Variants in FOXP1 observed in about 807,000 individuals in gnomAD.
FOXP1 encodes the protein forkhead box protein P1.
Under a neutral mutation model 98.2 loss-of-function variants are expected in FOXP1, and 15 were observed. The observed-to-expected ratio is 0.15, with a 90% CI of 0.10 to 0.24. The LOEUF (loss-of-function observed/expected upper bound fraction) is 0.24. Among genes scored for constraint, FOXP1 ranks in the 10% least tolerant of loss-of-function variants. The pLI is 1.00. For synonymous variants in FOXP1, 371 were observed against 314.5 expected (o/e 1.18, Z -1.90); for missense variants, 633 against 848.5 (o/e 0.75, Z 3.15).
At chr3:71,491,658 G>C (rs1487957429) in intron 3 of FOXP1, among the ~76,000 whole-genome samples, 1 of 152,118 alleles carries the variant, frequency 6.6e-6, no homozygotes, top group Non-Finnish European at 1.5e-5. Context: ...CAAATGCAAA[G>C]TACAAGTTAT....
intron 2 of FOXP1, among the ~76,000 whole-genome samples, chr3:71,533,597 G>A (rs1051027917): frequency 1.2e-4 from 18 of 152,090 alleles, no homozygotes; most frequent in African/African-American, 3.6e-4. Context: ...GAAAATTGGC[G>A]TCCCCAACCC....
intron 3 of FOXP1, among the ~76,000 whole-genome samples, chr3:71,446,468 C>A (rs986679992): frequency 6.6e-6 from 1 of 151,900 alleles, no homozygotes; most frequent in African/African-American, 2.4e-5. Context: ...GGGAGGGAGC[C>A]AGGCGGCTTC....
rs922299250 is a variant in FOXP1, at chr3:70,955,952, C to G, written c.*3295G>C. ...GCAGAAAAAAAAAGTTAGGGAGTTT[C>G]TCCCTCCCACATGTCAGGAAATGTC... On this transcript the variant is annotated 3_prime_UTR_variant, in exon 21 of 21. Coordinates refer to ENST00000649528, the MANE Select transcript of FOXP1 (RefSeq NM_001349338.3). 4.3e-6 allele frequency: 1 copy of G among 233,068 alleles called. No individual in the cohort carries two copies. Among genetic ancestry groups the G allele is most frequent in the African/African-American group, 2.2e-5 (1 of 45,316 alleles). 14.4% of individuals were successfully genotyped at this position (233,068 alleles called of 1,614,324 possible). A position where few individuals can be genotyped will look rare whatever the true frequency, so the allele number is the denominator to read the frequency against.
intron 3 of FOXP1, among the ~76,000 whole-genome samples, chr3:71,409,128 T>C (rs545552793): frequency 6.6e-6 from 1 of 152,192 alleles, no homozygotes; most frequent in South Asian, 2.1e-4. Flanking sequence ...TCAGGAATGG[T>C]CTTCCCTCAA....
At chr3:71,295,383 A>G (rs993237905) in intron 5 of FOXP1, among the ~76,000 whole-genome samples, 4 of 152,184 alleles carry the variant, frequency 2.6e-5, no homozygotes, top group African/African-American at 9.7e-5. Flanking sequence ...TTTTAGCTTT[A>G]TTTTTCACCA....
intron 7 of FOXP1, among the ~76,000 whole-genome samples, chr3:71,056,996 G>A (rs1238577748): frequency 1.3e-5 from 2 of 152,080 alleles, no homozygotes; most frequent in Non-Finnish European, 2.9e-5. Context: ...ACACTTTATT[G>A]CCCATTACTA....
chr3:71,037,899 T>C (rs891158570), intron 11 of FOXP1, among the ~76,000 whole-genome samples: 7 of 152,258 alleles, frequency 4.6e-5, no homozygotes, highest in Non-Finnish European at 8.8e-5. Context: ...AGTGGGTTTC[T>C]ATTGGCAATC....
intron 6 of FOXP1, among the ~76,000 whole-genome samples, chr3:71,174,382 C>T (rs79809305): frequency 0.014 from 2,156 of 152,206 alleles, 56 homozygotes; most frequent in African/African-American, 0.048. Context: ...TAAATAGCCA[C>T]TGCACTCCAG....
chr3:71,019,698 G>A lies in FOXP1; in HGVS notation c.870-4045C>T, dbSNP rs150983069. Among the ~76,000 whole-genome samples the A allele has an allele frequency of 2.8e-4, 42 of 152,250 alleles. 1 individual carries two copies. In the East Asian group the frequency reaches 8.1e-3, roughly 29 times the overall value. On this transcript the variant is annotated intron_variant, in intron 11 of 20. Coordinates refer to ENST00000649528, the MANE Select transcript of FOXP1 (RefSeq NM_001349338.3). ...ATACAAAAATTAGTCAGGTGTGGTG[G>A]TGGGCACCTATAATCCCAGCTACTC...
At position 71,583,655 on chromosome 3, in the gene FOXP1, C is replaced by A. The variant is rs568787975; in HGVS notation, c.-531G>T. 1.0e-6 allele frequency: 1 copy of A among 984,782 alleles called. No individual in the cohort carries two copies. Among genetic ancestry groups the A allele is most frequent in the Non-Finnish European group, 1.2e-6 (1 of 829,812 alleles). The allele number at this position is 984,782 out of a possible 1,614,324, so 61.0% of individuals were successfully genotyped here. A position where few individuals can be genotyped will look rare whatever the true frequency, so the allele number is the denominator to read the frequency against. On this transcript the variant is annotated 5_prime_UTR_variant, in exon 1 of 21. Transcript: ENST00000649528. ...CCCACTCCCGCCCGCGCGCGCACCC[C>A]GCGCACACACTCACTCGCGCACACA... is the stretch of plus-strand genomic sequence containing the variant.
chr3:70,971,932 A>G, intron 18 of FOXP1: 1 of 1,210,430 alleles, frequency 8.3e-7, no homozygotes, highest in Non-Finnish European at 1.1e-6. Flanking sequence ...GTGAAATGCA[A>G]AACTACATGG....
At chr3:71,435,971 G>A (rs2085306335) in intron 3 of FOXP1, among the ~76,000 whole-genome samples, 1 of 136,746 alleles carries the variant, frequency 7.3e-6, no homozygotes. Flanking sequence ...GAGGAAAAAA[G>A]GAGGGAAGGA....
At chr3:71,305,578 G>T (rs2074215030) in intron 4 of FOXP1, 1 of 152,196 alleles carries the variant, frequency 6.6e-6, no homozygotes, top group Admixed American at 6.5e-5. Flanking sequence ...AACAATGGCA[G>T]CATTATCTGC....
intron 5 of FOXP1, among the ~76,000 whole-genome samples, chr3:71,266,933 T>C (rs925883052): frequency 1.3e-5 from 2 of 152,220 alleles, no homozygotes; most frequent in East Asian, 1.9e-4. Context: ...TTTTGGACTT[T>C]CAATGCTCTC....
At chr3:71,505,718 C>T (rs2041773179) in intron 2 of FOXP1, among the ~76,000 whole-genome samples, 2 of 152,082 alleles carry the variant, frequency 1.3e-5, no homozygotes, top group African/African-American at 4.8e-5. Flanking sequence ...AGCCACTGCG[C>T]CCAGCCCTGA....
intron 1 of FOXP1, chr3:71,582,521 G>T (rs2048268308): frequency 1.0e-6 from 1 of 985,460 alleles, no homozygotes; most frequent in Non-Finnish European, 1.2e-6. Context: ...GCCATCGGCC[G>T]CCAGGACAGG....
At chr3:71,538,654 C>A (rs2044509231) in intron 2 of FOXP1, among the ~76,000 whole-genome samples, 1 of 152,172 alleles carries the variant, frequency 6.6e-6, no homozygotes, top group African/African-American at 2.4e-5. Flanking sequence ...TAGACAATTT[C>A]ATTCCTCTTG....
intron 6 of FOXP1, among the ~76,000 whole-genome samples, chr3:71,137,178 G>A (rs1219401025): frequency 1.3e-5 from 2 of 152,170 alleles, no homozygotes; most frequent in Non-Finnish European, 2.9e-5. Flanking sequence ...CAGGGTGTTA[G>A]CTACCTGACT....
intron 2 of FOXP1, among the ~76,000 whole-genome samples, chr3:71,502,726 T>C (rs2041489361): frequency 1.3e-5 from 2 of 152,172 alleles, no homozygotes; most frequent in Non-Finnish European, 2.9e-5. Context: ...GTATCAAACC[T>C]AAGCCTCAGT....
Sources: gnomAD v4.1 joint callset for allele counts (sites outside exome capture counted in the v4.1 genomes callset) on GRCh38, gnomAD v4.1.1 for gene constraint, MANE v1.5 for transcripts, NCBI Gene and HGNC (gene_info 2026-07-23, HGNC 2026-07-21) for gene names.